SRGAP2: variants seen among roughly 807,000 people sequenced by gnomAD.
The protein encoded by SRGAP2 is SLIT-ROBO Rho GTPase-activating protein 2.
A neutral mutation model predicts 57.2 loss-of-function variants in SRGAP2; 15 were observed. The observed-to-expected ratio is 0.26, with a 90% CI of 0.18 to 0.40. SRGAP2 has a LOEUF of 0.40. SRGAP2 is among the 10% of genes least tolerant of loss of function. The pLI is 1.00. For synonymous variants in SRGAP2, 249 were observed against 248.0 expected (o/e 1.00, Z -0.04); for missense variants, 520 against 669.6 (o/e 0.78, Z 2.47).
intron 2 of SRGAP2, among the ~76,000 whole-genome samples, chr1:206,255,197 G>C (rs1558255999): frequency 6.9e-6 from 1 of 145,218 alleles, no homozygotes; most frequent in Non-Finnish European, 1.5e-5. Context: ...GGGTTCTAAA[G>C]AACCCAGTTC....
chr1:206,373,024 T>TC (rs1654835937), intron 4 of SRGAP2, among the ~76,000 whole-genome samples: 1 of 128,420 alleles, frequency 7.8e-6, no homozygotes, highest in Non-Finnish European at 1.6e-5. Flanking sequence ...TTTCTTTCTT[T>TC]CTTTTCTTTC....
intron 3 of SRGAP2, among the ~76,000 whole-genome samples, chr1:206,318,405 CT>C (rs1553326583): frequency 6.6e-6 from 1 of 152,154 alleles, no homozygotes; most frequent in African/African-American, 2.4e-5. Context: ...TCTCTCACTC[CT>C]TTTTATACAT....
At chr1:206,455,178 C>T (rs1023198583) in intron 21 of SRGAP2, 154 bp downstream of exon 21, 28 of 711,324 alleles carry the variant, frequency 3.9e-5, no homozygotes, top group South Asian at 1.4e-4. Flanking sequence ...TGCTGCAAGG[C>T]GGACAGGGCT....
At chr1:206,453,442 C>A (rs1371380693) in intron 20 of SRGAP2, 62 bp downstream of exon 20, 3 of 504,504 alleles carry the variant, frequency 5.9e-6, no homozygotes, top group Non-Finnish European at 1.1e-5. Flanking sequence ...AGTGAGACTT[C>A]ATTTCTGGAG....
intron 3 of SRGAP2, among the ~76,000 whole-genome samples, chr1:206,306,908 G>GTTC (rs1188650088): frequency 6.6e-6 from 1 of 151,452 alleles, no homozygotes; most frequent in Admixed American, 6.6e-5. Flanking sequence ...AGACATAAAG[G>GTTC]TTCTCCACAT....
intron 13 of SRGAP2, among the ~76,000 whole-genome samples, chr1:206,424,648 T>C (rs553054259): frequency 9.2e-5 from 14 of 152,284 alleles, no homozygotes; most frequent in African/African-American, 3.1e-4. Flanking sequence ...AGAGAGAGAC[T>C]CTGTCCCAAA....
At chr1:206,448,572 A>G (rs143431237) in intron 18 of SRGAP2, among the ~76,000 whole-genome samples, 2 of 152,360 alleles carry the variant, frequency 1.3e-5, no homozygotes, top group African/African-American at 2.4e-5. Flanking sequence ...AGGACTGGTT[A>G]GAAATGCACG....
Position 206,420,929 on chromosome 1 carries a change from T to G in SRGAP2, c.1470-321T>G, listed in dbSNP as rs80267670. Among the ~76,000 whole-genome samples the G allele has an allele frequency of 3.1e-3, 475 of 152,332 alleles. 1 individual carries two copies. Among genetic ancestry groups the G allele is most frequent in the African/African-American group, 0.011 (460 of 41,574 alleles). ...TCTTATTGTCTAGCCCAAAAATATT[T>G]TACTAAAAATTGAACCAGTCCTCTC... On this transcript the variant is annotated intron_variant, in intron 12 of 22. Coordinates refer to ENST00000573034, the MANE Select transcript of SRGAP2 (RefSeq NM_015326.5).
chr1:206,422,787 G>C (rs1426671020), intron 13 of SRGAP2, among the ~76,000 whole-genome samples: 1 of 152,238 alleles, frequency 6.6e-6, no homozygotes, highest in Non-Finnish European at 1.5e-5. Context: ...CACATAAGCA[G>C]TTGCAGGCAA....
At chr1:206,421,861 A>G (rs12098083) in intron 13 of SRGAP2, among the ~76,000 whole-genome samples, 3,844 of 152,366 alleles carry the variant, frequency 0.025, 80 homozygotes, top group African/African-American at 0.058. Context: ...TACCCATATT[A>G]GGAGGGCTCT....
At chr1:206,356,686 C>G (rs1461821489) in intron 4 of SRGAP2, among the ~76,000 whole-genome samples, 1 of 150,854 alleles carries the variant, frequency 6.6e-6, no homozygotes, top group East Asian at 2.0e-4. Flanking sequence ...CCTTTGAATT[C>G]CTCCCTGCTT....
Position 206,458,936 on chromosome 1 carries a change from G to T in SRGAP2, c.2821G>T (p.Val941Phe), listed in dbSNP as rs1664053121. 3 of 770,994 alleles carry T rather than the reference G, an allele frequency of 3.9e-6. No individual in the cohort carries two copies. The highest frequency in any genetic ancestry group is 7.3e-6 in the Non-Finnish European group (3 of 412,480). 47.8% of individuals were successfully genotyped at this position (770,994 alleles called of 1,614,324 possible). A position where few individuals can be genotyped will look rare whatever the true frequency, so the allele number is the denominator to read the frequency against. The stretch of plus-strand genomic sequence containing the variant: ...TAACCATCGGCCCATGGACCCTGAG[G>T]TCATTGCTCAGGTAACTGTGGGCTC... ...FNNHRPMDPE[V>F]IAQDIEATMN... The change falls in exon 22 of 23, where the codon GTC becomes TTC. Residue 941 changes from valine to phenylalanine, a missense_variant. Physicochemically the swap from Val to Phe is conservative, Grantham distance 50 (BLOSUM62 -1). Transcript: ENST00000573034.
intron 3 of SRGAP2, among the ~76,000 whole-genome samples, chr1:206,324,243 CT>C (rs1673696138): frequency 7.1e-6 from 1 of 140,932 alleles, no homozygotes; most frequent in Non-Finnish European, 1.5e-5. Context: ...TACCTTGCCA[CT>C]TTCCATCTCT....
At position 206,461,121 on chromosome 1, in the gene SRGAP2, G is replaced by A. The variant is rs1664233788; in HGVS notation, c.2917G>A (p.Val973Ile). The change falls in exon 23 of 23, where the codon GTT (valine) becomes ATT (isoleucine). Residue 973 changes from valine (V) to isoleucine (I), a missense_variant. Val to Ile is a conservative substitution (Grantham distance 29). Around this residue, in one of 5 missense-constraint regions of SRGAP2, gnomAD observed 478 missense variants for 373.6 expected, o/e 1.28. Transcript: ENST00000573034. ...CAGTGTCAAACACACCCCTGACGTG[G>A]TTCTGGACACCTTGGAGCCCCTCAA... ...QSSVKHTPDV[V>I]LDTLEPLKTS... is the part of the protein sequence containing the mutation. 2 of 780,396 alleles carry A rather than the reference G, an allele frequency of 2.6e-6. No homozygotes were observed. The highest frequency in any genetic ancestry group is 4.8e-6 in the Non-Finnish European group (2 of 417,670). The allele number at this position is 780,396 out of a possible 1,614,324, so 48.3% of individuals were successfully genotyped here. A position where few individuals can be genotyped will look rare whatever the true frequency, so the allele number is the denominator to read the frequency against.
chr1:206,346,282 T>TA (rs1160515574), intron 4 of SRGAP2, among the ~76,000 whole-genome samples: 5 of 152,068 alleles, frequency 3.3e-5, no homozygotes, highest in South Asian at 2.1e-4. Context: ...CCCTAAACTT[T>TA]AAAAAAAGAG....
rs373934616 is a variant in SRGAP2 at position 206,458,654 on chromosome 1, C to T, written c.2539C>T (p.Arg847Trp). 5 of 769,542 alleles carry T rather than the reference C, an allele frequency of 6.5e-6. No homozygotes were observed. The highest frequency in any genetic ancestry group is 1.2e-5 in the Non-Finnish European group (5 of 410,980). The allele number at this position is 769,542 out of a possible 1,614,324, so 47.7% of individuals were successfully genotyped here. A position where few individuals can be genotyped will look rare whatever the true frequency, so the allele number is the denominator to read the frequency against. ...GAAGCGTCCAGAATCTGGGAGCATC[C>T]GGAAAACTTTTCGGAGTGACAGCCA... ...QRKRPESGSI[R>W]KTFRSDSHGL... Residue 847 changes from arginine to tryptophan, a missense_variant, in exon 22 of 23, where the codon CGG becomes TGG. Arg to Trp is a moderately radical substitution (Grantham distance 101). Around this residue, in one of 5 missense-constraint regions of SRGAP2, gnomAD observed 478 missense variants for 373.6 expected, o/e 1.28. Coordinates refer to ENST00000573034, the MANE Select transcript of SRGAP2 (RefSeq NM_015326.5).
At chr1:206,452,935 G>A (rs1663463932) in intron 19 of SRGAP2, among the ~76,000 whole-genome samples, 2 of 146,282 alleles carry the variant, frequency 1.4e-5, no homozygotes, top group South Asian at 4.4e-4. Flanking sequence ...GTGTTTTGAT[G>A]TGCTTCATCA....
At chr1:206,415,262 C>T (rs1553361206) in intron 10 of SRGAP2, among the ~76,000 whole-genome samples, 1 of 152,188 alleles carries the variant, frequency 6.6e-6, no homozygotes, top group Non-Finnish European at 1.5e-5. Flanking sequence ...ATCACATTTC[C>T]AAAACTTCAT....
intron 4 of SRGAP2, among the ~76,000 whole-genome samples, chr1:206,383,012 TCTTTC>T (rs1655845777): frequency 2.7e-5 from 4 of 145,780 alleles, no homozygotes; most frequent in Non-Finnish European, 6.0e-5. Context: ...CTTCCTCCTT[TCTTTC>T]CTTTTCTTTT....
Sources: gnomAD v4.1 joint callset for allele counts (sites outside exome capture counted in the v4.1 genomes callset) on GRCh38, gnomAD v4.1.1 for gene constraint, gnomAD v4.1.1 regional missense constraint, MANE v1.5 for transcripts, NCBI Gene and HGNC (gene_info 2026-07-23, HGNC 2026-07-21) for gene names.